COL22A1: variants seen among roughly 807,000 people sequenced by gnomAD.
COL22A1 encodes the protein collagen type XXII alpha 1 chain, also known as collagen alpha-1(XXII) chain.
In COL22A1, 221 loss-of-function variants were observed where a neutral mutation model predicts 248.9. That is an observed-to-expected ratio of 0.89 (90% CI 0.80 to 0.99). The LOEUF (loss-of-function observed/expected upper bound fraction) is 0.99, where lower values mean the gene tolerates loss of function less well. Ranked by LOEUF, COL22A1 falls within the 50% of genes least tolerant of loss-of-function variation. COL22A1 has a pLI of 0.00. For synonymous variants in COL22A1, 891 were observed against 793.4 expected, an observed-to-expected ratio of 1.12 and a Z score of -2.07; for missense variants, 2,240 against 2,179.0, an observed-to-expected ratio of 1.03 and a Z score of -0.56.
chr8:138,912,034 G>A (rs1815485026), intron 1 of COL22A1, among the ~76,000 whole-genome samples: 1 of 152,178 alleles, frequency 6.6e-6, no homozygotes, highest in African/African-American at 2.4e-5. Context: ...CTCCCCAGGT[G>A]TGTGAAACAG....
intron 23 of COL22A1, among the ~76,000 whole-genome samples, chr8:138,737,131 C>A (rs1438529065): frequency 6.6e-6 from 1 of 152,206 alleles, no homozygotes; most frequent in African/African-American, 2.4e-5. Flanking sequence ...CCAGGGAAGG[C>A]CCTCCCTCCG....
intron 1 of COL22A1, among the ~76,000 whole-genome samples, chr8:138,905,707 G>C (rs1312578917): frequency 6.6e-6 from 1 of 152,054 alleles, no homozygotes; most frequent in South Asian, 2.1e-4. Flanking sequence ...AAACATCCAC[G>C]TTATCGGACA....
intron 44 of COL22A1, among the ~76,000 whole-genome samples, chr8:138,659,354 C>G (rs1823586615): frequency 6.6e-6 from 1 of 152,180 alleles, no homozygotes; most frequent in African/African-American, 2.4e-5. Context: ...ACAGGGACAT[C>G]TGAGCCTTGG....
intron 57 of COL22A1, among the ~76,000 whole-genome samples, chr8:138,607,702 T>C (rs1818530403): frequency 1.3e-5 from 2 of 152,178 alleles, no homozygotes; most frequent in Non-Finnish European, 2.9e-5. Flanking sequence ...CCTATGGATG[T>C]AGACCATAGA....
intron 31 of COL22A1, 34 bp downstream of exon 31, chr8:138,703,272 C>T (rs1490052525): frequency 1.3e-6 from 2 of 1,591,982 alleles, no homozygotes; most frequent in Non-Finnish European, 1.7e-6. Flanking sequence ...TATAGGAATT[C>T]AGAGGAGAAA....
chr8:138,662,156 T>A (rs1349527983), intron 42 of COL22A1, 73 bp from the exon 43 acceptor site: 1 of 1,282,440 alleles, frequency 7.8e-7, no homozygotes, highest in Non-Finnish European at 1.1e-6. Context: ...TCCTTGGCAA[T>A]AGTTGGCTCT....
At chr8:138,664,362 T>C (rs1417142920) in intron 41 of COL22A1, among the ~76,000 whole-genome samples, 1 of 152,024 alleles carries the variant, frequency 6.6e-6, no homozygotes, top group Non-Finnish European at 1.5e-5. Context: ...TGTTCATTGA[T>C]TGACTGGAAG....
intron 56 of COL22A1, among the ~76,000 whole-genome samples, chr8:138,612,484 C>T (rs1371729591): frequency 6.6e-6 from 1 of 151,296 alleles, no homozygotes; most frequent in African/African-American, 2.4e-5. Context: ...TTCAATTGTG[C>T]CCCCCCCAAA....
chr8:138,742,274 A>ATGG (rs140079310), intron 22 of COL22A1, among the ~76,000 whole-genome samples: 30,368 of 115,552 alleles, frequency 0.26, 3,931 homozygotes, highest in African/African-American at 0.39. Context: ...AGTGATGGTG[A>ATGG]TGGAGTTGAT....
At chr8:138,850,038 G>A (rs1027344713) in intron 3 of COL22A1, among the ~76,000 whole-genome samples, 2 of 152,122 alleles carry the variant, frequency 1.3e-5, no homozygotes, top group African/African-American at 2.4e-5. Flanking sequence ...AATTGAAAGC[G>A]GGAGGAAATT....
At chr8:138,909,136 C>CT (rs1200560656) in intron 1 of COL22A1, among the ~76,000 whole-genome samples, 2 of 152,202 alleles carry the variant, frequency 1.3e-5, no homozygotes, top group Non-Finnish European at 2.9e-5. Flanking sequence ...CACAACGAAG[C>CT]TTGTGGCTGT....
At chr8:138,719,818 C>T (rs893648503) in intron 27 of COL22A1, among the ~76,000 whole-genome samples, 10 of 152,172 alleles carry the variant, frequency 6.6e-5, no homozygotes, top group African/African-American at 1.9e-4. Context: ...TGCCTGTGGG[C>T]GGGCAGTGGG....
intron 3 of COL22A1, among the ~76,000 whole-genome samples, chr8:138,848,441 C>T (rs1475969386): frequency 1.3e-5 from 2 of 152,112 alleles, no homozygotes; most frequent in Non-Finnish European, 2.9e-5. Context: ...AAAACACGTC[C>T]ATTTTTTTGG....
chr8:138,672,278 C>T (rs997147136), intron 41 of COL22A1, among the ~76,000 whole-genome samples: 2 of 152,202 alleles, frequency 1.3e-5, no homozygotes, highest in African/African-American at 4.8e-5. Context: ...GAGAGACTAT[C>T]TGTGAGATAA....
intron 49 of COL22A1, among the ~76,000 whole-genome samples, chr8:138,633,806 G>A (rs1820923043): frequency 1.3e-5 from 2 of 152,178 alleles, no homozygotes; most frequent in South Asian, 4.1e-4. Context: ...AGCCTTGAAA[G>A]AATTGTAGAA....
intron 51 of COL22A1, among the ~76,000 whole-genome samples, chr8:138,623,998 C>T (rs1820047836): frequency 6.6e-6 from 1 of 152,078 alleles, no homozygotes; most frequent in South Asian, 2.1e-4. Flanking sequence ...CTTGCAGTAT[C>T]TGGCATATAG....
chr8:138,641,401 G>A (rs549214678), intron 47 of COL22A1, among the ~76,000 whole-genome samples: 59 of 152,244 alleles, frequency 3.9e-4, no homozygotes, highest in African/African-American at 1.2e-3. Context: ...AACGCTTTTC[G>A]TAGGGGACAG....
rs527424062 is a variant in COL22A1, at chr8:138,709,194, T to G, written c.2518-5847A>C. Among the ~76,000 whole-genome samples, 1,461 of 152,336 alleles carry G rather than the reference T, an allele frequency of 9.6e-3. 23 individuals are homozygous for G. Among genetic ancestry groups the G allele is most frequent in the African/African-American group, 0.03 (1,261 of 41,576 alleles). On this transcript the variant is annotated intron_variant, in intron 30 of 64. Coordinates refer to ENST00000303045, the MANE Select transcript of COL22A1 (RefSeq NM_152888.3). Reference sequence around the variant, plus strand: ...AACACTTTTACACTGTTGGTGGGACTGTAAACTAGTTCAACCATTGTGGAA... The same window carrying G: ...AACACTTTTACACTGTTGGTGGGACGGTAAACTAGTTCAACCATTGTGGAA...
chr8:138,613,962 G>A (rs764327669), intron 55 of COL22A1, 42 bp from the exon 56 acceptor site: 1 of 1,487,096 alleles, frequency 6.7e-7, no homozygotes, highest in South Asian at 1.1e-5. Context: ...TCAAGTCACT[G>A]TGTGAAGGTG....
Sources: allele counts gnomAD v4.1 joint callset (sites outside exome capture counted in the v4.1 genomes callset), GRCh38; gene constraint gnomAD v4.1.1; transcripts MANE v1.5; gene names NCBI Gene and HGNC (gene_info 2026-07-23, HGNC 2026-07-21).